Variants in CTCF observed in about 807,000 individuals in gnomAD.
The protein encoded by CTCF is CCCTC-binding factor.
Under a neutral mutation model 72.3 loss-of-function variants are expected in CTCF, and 7 were observed. The ratio of observed to expected loss-of-function variants is 0.10; its 90% CI spans 0.06 to 0.18. CTCF has a LOEUF of 0.18. Ranked by LOEUF, CTCF falls within the 10% of genes least tolerant of loss-of-function variation. The pLI is 1.00. For synonymous variants in CTCF, 374 were observed against 315.8 expected (o/e 1.18, Z -1.95); for missense variants, 516 against 949.1 (o/e 0.54, Z 6.00).
intron 4 of CTCF, among the ~76,000 whole-genome samples, chr16:67,613,729 T>C (rs1193720399): frequency 6.6e-6 from 1 of 152,078 alleles, no homozygotes; most frequent in Non-Finnish European, 1.5e-5. Context: ...TAAGCCAAGA[T>C]TGTGCCACCG....
chr16:67,624,661 T>C (rs2052259117), intron 7 of CTCF, among the ~76,000 whole-genome samples: 1 of 151,686 alleles, frequency 6.6e-6, no homozygotes, highest in Non-Finnish European at 1.5e-5. Context: ...GGCTCAGTCT[T>C]GGCTCACTGC....
intron 2 of CTCF, among the ~76,000 whole-genome samples, chr16:67,605,496 G>A (rs2051961764): frequency 6.6e-6 from 1 of 152,172 alleles, no homozygotes; most frequent in African/African-American, 2.4e-5. Context: ...AAAGAAAGAA[G>A]GTAATGGAAG....
At chr16:67,594,428 A>G (rs914088842) in intron 2 of CTCF, among the ~76,000 whole-genome samples, 25 of 151,196 alleles carry the variant, frequency 1.7e-4, no homozygotes, top group African/African-American at 6.1e-4. Flanking sequence ...GGCTAGTTGC[A>G]GTGGCTCATG....
intron 2 of CTCF, among the ~76,000 whole-genome samples, chr16:67,581,645 A>G (rs997709562): frequency 1.3e-5 from 2 of 152,036 alleles, no homozygotes; most frequent in Non-Finnish European, 2.9e-5. Context: ...ATGGGATTAC[A>G]GTCGTGCACC....
At chr16:67,602,323 A>T (rs2051903349) in intron 2 of CTCF, among the ~76,000 whole-genome samples, 1 of 152,208 alleles carries the variant, frequency 6.6e-6, no homozygotes, top group Admixed American at 6.5e-5. Context: ...ATTATTGAGG[A>T]TATTTAAATA....
intron 5 of CTCF, among the ~76,000 whole-genome samples, chr16:67,618,587 GA>G (rs2052163194): frequency 6.6e-6 from 1 of 152,166 alleles, no homozygotes; most frequent in Non-Finnish European, 1.5e-5. Context: ...ATTATTAATG[GA>G]AAGATAAAAC....
In CTCF at chr16:67,629,592, T is replaced by G. The variant is rs2052335381; in HGVS notation, c.1837+59T>G. 6 of 1,583,326 alleles carry G rather than the reference T, an allele frequency of 3.8e-6. 1 individual carries two copies. The highest frequency in any genetic ancestry group is 1.7e-5 in the Admixed American group (1 of 57,172). On this transcript the variant is annotated intron_variant, in intron 10 of 11. Transcript: ENST00000264010. ...GCAGGCTTTGGAGCCCAGTTTCCAGTGTGTTTATGTATGGATATGCTGGGA... is the reference window on the plus strand; with the variant it reads ...GCAGGCTTTGGAGCCCAGTTTCCAGGGTGTTTATGTATGGATATGCTGGGA...
chr16:67,621,899 T>G (rs2052204298), intron 7 of CTCF, among the ~76,000 whole-genome samples: 1 of 152,128 alleles, frequency 6.6e-6, no homozygotes, highest in African/African-American at 2.4e-5. Context: ...CTTCCCCAAA[T>G]AGGAAAGTAA....
At chr16:67,563,107 C>T (rs954071786) in intron 1 of CTCF, among the ~76,000 whole-genome samples, 11 of 152,030 alleles carry the variant, frequency 7.2e-5, no homozygotes, top group African/African-American at 2.2e-4. Flanking sequence ...TCCTCCGCCC[C>T]TCCCGCGGCG....
intron 10 of CTCF, chr16:67,635,742 G>C (rs1030078061): frequency 6.6e-6 from 1 of 151,592 alleles, no homozygotes; most frequent in African/African-American, 2.4e-5. Context: ...ACCCACCTCA[G>C]CCTCCCAAAG....
chr16:67,608,082 T>C (rs902329448), intron 2 of CTCF, among the ~76,000 whole-genome samples: 7 of 150,038 alleles, frequency 4.7e-5, no homozygotes, highest in Non-Finnish European at 1.0e-4. Context: ...CCCAGCACTT[T>C]GGGAGGCCGA....
chr16:67,637,569 C>T (rs2052447762), intron 11 of CTCF, 119 bp from the exon 12 acceptor site: 3 of 751,746 alleles, frequency 4.0e-6, no homozygotes, highest in South Asian at 4.0e-5. Flanking sequence ...GTCTCTGGAC[C>T]GCTATCTAAT....
intron 2 of CTCF, among the ~76,000 whole-genome samples, chr16:67,586,048 A>G (rs1266648301): frequency 6.6e-6 from 1 of 152,060 alleles, no homozygotes; most frequent in Non-Finnish European, 1.5e-5. Context: ...TGTTTGTTTC[A>G]ATATTTCTAA....
chr16:67,573,432 A>G (rs979544095), intron 2 of CTCF, among the ~76,000 whole-genome samples: 1 of 152,094 alleles, frequency 6.6e-6, no homozygotes, highest in Non-Finnish European at 1.5e-5. Flanking sequence ...ACCGTCTCAA[A>G]AAATAAATAA....
Position 67,611,422 on chromosome 16 carries a change from A to G in CTCF, c.590A>G (p.Tyr197Cys). ...EDPSWQKDPD[Y>C]QPPAKKTKKT... ...CCTAGTTGGCAAAAAGACCCAGACT[A>G]TCAGCCACCAGCCAAAAAAACAAAG... The change falls in exon 3 of 12, where the codon TAT becomes TGT. Residue 197 changes from tyrosine (Y) to cysteine (C), a missense_variant. Physicochemically the swap from Tyr to Cys is radical, Grantham distance 194. This residue lies in a region of CTCF where 53 missense variants were observed against 63.6 expected (regional missense o/e 0.83). Transcript: ENST00000264010. 1 of 1,614,188 alleles carries G rather than the reference A, an allele frequency of 6.2e-7. No individual in the cohort carries two copies. Among genetic ancestry groups the G allele is most frequent in the Non-Finnish European group, 8.5e-7 (1 of 1,180,028 alleles).
At position 67,636,389 on chromosome 16, in the gene CTCF, GA is replaced by G. The variant is rs892102149; in HGVS notation, c.1838-292del. Among the ~76,000 whole-genome samples, 6 of 145,498 alleles carry G rather than the reference GA, an allele frequency of 4.1e-5. No homozygotes were observed. In the South Asian group the frequency reaches 6.5e-4, roughly 16 times the overall value. ...TCTGTCTCAAAAAAAAAAAAAGAAG[GA>G]AAAAAAAATTACCTGGGCATGGTGG... On this transcript the variant is annotated intron_variant, in intron 10 of 11. Transcript: ENST00000264010.
At chr16:67,603,087 G>A (rs2051918611) in intron 2 of CTCF, among the ~76,000 whole-genome samples, 1 of 151,816 alleles carries the variant, frequency 6.6e-6, no homozygotes, top group Admixed American at 6.6e-5. Flanking sequence ...TTCAAATTAA[G>A]GTATGCTGTA....
chr16:67,569,754 C>G (rs997806639), intron 1 of CTCF, among the ~76,000 whole-genome samples: 1 of 150,874 alleles, frequency 6.6e-6, no homozygotes, highest in Non-Finnish European at 1.5e-5. Flanking sequence ...GGCGCGATCT[C>G]GGCTCATTCC....
In CTCF at chr16:67,607,156, C is replaced by T. The variant is rs537482298; in HGVS notation, c.-9-3668C>T. 5.9e-5 allele frequency among the ~76,000 whole-genome samples: 9 copies of T among 151,838 alleles called. No individual in the cohort carries two copies. The East Asian group carries it at 1.2e-3, about 20-fold the overall frequency. On this transcript the variant is annotated intron_variant, in intron 2 of 11. Coordinates refer to ENST00000264010, the MANE Select transcript of CTCF (RefSeq NM_006565.4). ...ATTTTTAATAGAAACGGGGTTTTGC[C>T]GTGTTGGCCAGGCTTGTCTCCATCT...
Sources: allele counts gnomAD v4.1 joint callset (sites outside exome capture counted in the v4.1 genomes callset), GRCh38; gene constraint gnomAD v4.1.1; regional missense constraint gnomAD v4.1.1; transcripts MANE v1.5; gene names NCBI Gene and HGNC (gene_info 2026-07-23, HGNC 2026-07-21).